Variants in ABLIM1 observed in about 807,000 individuals in gnomAD.
ABLIM1 encodes actin-binding LIM protein 1.
ABLIM1 carries 40 observed loss-of-function variants against 107.0 expected under a neutral mutation model. The observed-to-expected ratio is 0.37, with a 90% CI of 0.29 to 0.49. The LOEUF (loss-of-function observed/expected upper bound fraction) is 0.49. Ranked by LOEUF, ABLIM1 falls within the 20% of genes least tolerant of loss-of-function variation. ABLIM1 has a pLI of 0.97. For synonymous variants in ABLIM1, 357 were observed against 357.3 expected, an observed-to-expected ratio of 1.00 and a Z score of 0.01; for missense variants, 857 against 1,008.5, an observed-to-expected ratio of 0.85 and a Z score of 2.04.
At chr10:114,594,526 G>T (rs990867593) in intron 2 of ABLIM1, among the ~76,000 whole-genome samples, 3 of 152,180 alleles carry the variant, frequency 2.0e-5, no homozygotes, top group Non-Finnish European at 4.4e-5. Context: ...GAGTCAGGTG[G>T]ATCACCTGAG....
chr10:114,443,572 C>G (rs970297188), intron 17 of ABLIM1, among the ~76,000 whole-genome samples: 11 of 150,286 alleles, frequency 7.3e-5, no homozygotes, highest in African/African-American at 2.7e-4. Flanking sequence ...CTTGGCCTCC[C>G]AAAGTGCTGG....
intron 4 of ABLIM1, among the ~76,000 whole-genome samples, chr10:114,564,678 C>T (rs563244789): frequency 1.8e-4 from 27 of 152,154 alleles, no homozygotes; most frequent in Non-Finnish European, 3.8e-4. Flanking sequence ...TTCCAATTTA[C>T]AGACGAGGGC....
intron 1 of ABLIM1, among the ~76,000 whole-genome samples, chr10:114,700,973 C>T (rs2081296519): frequency 6.6e-6 from 1 of 151,946 alleles, no homozygotes; most frequent in South Asian, 2.1e-4. Flanking sequence ...CATCAAAAGA[C>T]ACTATTAAGA....
the ABLIM1 span, among the ~76,000 whole-genome samples, chr10:114,789,385 C>T: frequency 2.6e-5 from 4 of 152,192 alleles, no homozygotes; most frequent in South Asian, 2.1e-4. Flanking sequence ...TAGGCATGTA[C>T]GACCATTCAT....
chr10:114,719,636 C>T (rs79027664), intron 1 of ABLIM1, among the ~76,000 whole-genome samples: 6,074 of 152,260 alleles, frequency 0.04, 176 homozygotes, highest in African/African-American at 0.063. Context: ...AGATGTCACA[C>T]AGCTGACCTT....
At chr10:114,777,825 G>A in the ABLIM1 span, 4 of 152,368 alleles carry the variant, frequency 2.6e-5, no homozygotes, top group African/African-American at 7.2e-5. Context: ...GCTCCCTTAG[G>A]AAGTACTCCC....
intron 1 of ABLIM1, among the ~76,000 whole-genome samples, chr10:114,737,052 A>G (rs1474264472): frequency 1.3e-5 from 2 of 151,816 alleles, no homozygotes; most frequent in African/African-American, 4.8e-5. Context: ...AGCTGGGTGT[A>G]ATAGCATGTG....
intron 12 of ABLIM1, among the ~76,000 whole-genome samples, chr10:114,463,762 G>C (rs1054152376): frequency 6.6e-6 from 1 of 152,132 alleles, no homozygotes; most frequent in Non-Finnish European, 1.5e-5. Flanking sequence ...AACCCAGACC[G>C]AGGGGGTTTT....
chr10:114,663,295 T>C (rs2079872898), intron 1 of ABLIM1, among the ~76,000 whole-genome samples: 1 of 152,212 alleles, frequency 6.6e-6, no homozygotes, highest in African/African-American at 2.4e-5. Flanking sequence ...AGCTCTCCCA[T>C]GGTATTTGTA....
chr10:114,684,250 G>A, intron 1 of ABLIM1: 1 of 1,600,298 alleles, frequency 6.2e-7, no homozygotes, highest in Non-Finnish European at 8.5e-7. Flanking sequence ...GTCGACCCCA[G>A]ACAGAATATA....
chr10:114,658,131 A>G lies in ABLIM1; in HGVS notation c.70T>C (p.Ser24Pro). The change falls in exon 1 of 23, where the codon TCT becomes CCT. Residue 24 changes from serine (S) to proline (P), a missense_variant. Coordinates refer to ENST00000533213, the MANE Select transcript of ABLIM1 (RefSeq NM_002313.7). ...GAGCCCCTGGCACTGGTTCTCTCAG[A>G]TGAGGTGACTTTGCTTTTCTCAGAG... ...CSSEKSKVTS[S>P]ERTSARGSNR... 1 of 1,614,120 alleles carries G rather than the reference A, an allele frequency of 6.2e-7. No homozygotes were observed. The highest frequency in any genetic ancestry group is 2.2e-5 in the East Asian group (1 of 44,882).
chr10:114,702,652 G>T (rs945039064), intron 1 of ABLIM1, among the ~76,000 whole-genome samples: 2 of 149,748 alleles, frequency 1.3e-5, no homozygotes, highest in African/African-American at 4.9e-5. Flanking sequence ...TCAGCCTCCC[G>T]AGTAGCTGGG....
At chr10:114,673,256 T>TAAAAAAAAAAAAACAAAA (rs2080332163) in intron 1 of ABLIM1, among the ~76,000 whole-genome samples, 1 of 130,164 alleles carries the variant, frequency 7.7e-6, no homozygotes, top group Non-Finnish European at 1.6e-5. Context: ...AGACTCCAGC[T>TAAAAAAAAAAAAACAAAA]AAAAAAAAAA....
At chr10:114,694,551 A>G (rs1319815873) in intron 1 of ABLIM1, among the ~76,000 whole-genome samples, 2 of 152,138 alleles carry the variant, frequency 1.3e-5, no homozygotes, top group Admixed American at 6.5e-5. Flanking sequence ...TTTTATCTAT[A>G]CGTATCTCCA....
the ABLIM1 span, among the ~76,000 whole-genome samples, chr10:114,795,406 A>G: frequency 6.6e-6 from 1 of 152,222 alleles, no homozygotes; most frequent in Non-Finnish European, 1.5e-5. Context: ...AAAGAAGCCT[A>G]GTAGAAATTA....
rs576076139 is a variant in ABLIM1, at chr10:114,460,775, C to T, written c.1441+4923G>A. The stretch of plus-strand genomic sequence containing the variant: ...CCAAGGTGATACAGCTAGCAAGTGA[C>T]GGAGATCATATCTGAACCCAGATTC... On this transcript the variant is annotated intron_variant, in intron 12 of 22. Transcript: ENST00000533213. Among the ~76,000 whole-genome samples the T allele has an allele frequency of 2.0e-3, 297 of 152,304 alleles. 1 individual carries two copies. Among genetic ancestry groups the T allele is most frequent in the South Asian group, 9.9e-3 (48 of 4,828 alleles).
intron 1 of ABLIM1, among the ~76,000 whole-genome samples, chr10:114,738,196 G>A (rs192547391): frequency 2.6e-5 from 4 of 152,112 alleles, no homozygotes; most frequent in South Asian, 2.1e-4. Context: ...CTACAGGCAC[G>A]TGCCACCGTG....
chr10:114,473,443 A>G (rs1232891295), intron 9 of ABLIM1, among the ~76,000 whole-genome samples: 1 of 152,236 alleles, frequency 6.6e-6, no homozygotes, highest in Non-Finnish European at 1.5e-5. Context: ...CAGATGGTCC[A>G]ATAATCCTCT....
chr10:114,639,460 C>T (rs1439832475), intron 1 of ABLIM1, among the ~76,000 whole-genome samples: 1 of 152,174 alleles, frequency 6.6e-6, no homozygotes, highest in Non-Finnish European at 1.5e-5. Flanking sequence ...CATGCCACAC[C>T]GGCCACACAG....
Sources: allele counts gnomAD v4.1 joint callset (sites outside exome capture counted in the v4.1 genomes callset), GRCh38; gene constraint gnomAD v4.1.1; transcripts MANE v1.5; gene names NCBI Gene and HGNC (gene_info 2026-07-23, HGNC 2026-07-21).